The following RUNX1 variants were observed in gnomAD, a reference collection of about 807,000 sequenced individuals.
RUNX1 encodes RUNX family transcription factor 1.
In RUNX1, 19 loss-of-function variants were observed where a neutral mutation model predicts 42.8. The observed-to-expected ratio is 0.44, with a 90% CI of 0.31 to 0.65. The LOEUF is 0.65. Among genes scored for constraint, RUNX1 ranks in the 30% least tolerant of loss-of-function variants. The pLI is 0.07. For missense variants in RUNX1, 528 were observed against 672.0 expected (o/e 0.79, Z 2.37); for synonymous variants, 271 against 289.4 (o/e 0.94, Z 0.64).
intron 2 of RUNX1, among the ~76,000 whole-genome samples, chr21:35,009,078 C>CA (rs1366562900): frequency 6.6e-6 from 1 of 152,166 alleles, no homozygotes; most frequent in East Asian, 1.9e-4. Flanking sequence ...AGAACTGCGT[C>CA]AAAAGGAAAT....
At chr21:34,858,210 C>G (rs1260755821) in intron 6 of RUNX1, among the ~76,000 whole-genome samples, 4 of 152,134 alleles carry the variant, frequency 2.6e-5, no homozygotes, top group African/African-American at 9.7e-5. Flanking sequence ...AGGTTGTGGC[C>G]AGGACCACAG....
Position 34,901,283 on chromosome 21 carries a change from G to A in RUNX1, c.59-8320C>T, listed in dbSNP as rs908991796. Among the ~76,000 whole-genome samples, 3 of 152,140 alleles carry A rather than the reference G, an allele frequency of 2.0e-5. No homozygotes were observed. Among genetic ancestry groups the A allele is most frequent in the South Asian group, 2.1e-4 (1 of 4,800 alleles). On this transcript the variant is annotated intron_variant, in intron 2 of 8. Coordinates refer to ENST00000675419, the MANE Select transcript of RUNX1 (RefSeq NM_001754.5). The surrounding 1 kb of genome is among the most constrained non-coding windows in gnomAD (Gnocchi z 4.3). ...TCCCAGCACTTTGGGAGGCAGAGGCGGGTGGATCATGAGGTCAAGAGTTTG... is the reference window on the plus strand; with the variant it reads ...TCCCAGCACTTTGGGAGGCAGAGGCAGGTGGATCATGAGGTCAAGAGTTTG...
intron 7 of RUNX1, among the ~76,000 whole-genome samples, chr21:34,820,137 G>A (rs1211109074): frequency 6.6e-6 from 1 of 152,208 alleles, no homozygotes; most frequent in Non-Finnish European, 1.5e-5. Flanking sequence ...GTGACCTGTC[G>A]GTCTCCTGTA....
chr21:34,870,690 T>C (rs1160653139), intron 5 of RUNX1, among the ~76,000 whole-genome samples: 1 of 152,214 alleles, frequency 6.6e-6, no homozygotes, highest in Non-Finnish European at 1.5e-5. Flanking sequence ...CCCAGCACAG[T>C]GGCTCATGCC....
intron 2 of RUNX1, among the ~76,000 whole-genome samples, chr21:34,997,857 A>T (rs2059008690): frequency 6.6e-6 from 1 of 151,612 alleles, no homozygotes; most frequent in East Asian, 1.9e-4. Flanking sequence ...TCTCCCCAAC[A>T]CCCCCAATCT....
rs562003276 is a variant in RUNX1 at position 34,852,729 on chromosome 21, G to A, written c.613+6745C>T. Among the ~76,000 whole-genome samples the A allele has an allele frequency of 5.3e-5, 8 of 152,176 alleles. No individual in the cohort carries two copies. In the East Asian group the frequency reaches 1.6e-3, roughly 30 times the overall value. ...CCTGCTTTAGGTGGGAGGGGAGGAA[G>A]AATTACTTTCTAATTCCTGTGTGGA... On this transcript the variant is annotated intron_variant, in intron 6 of 8. Coordinates refer to ENST00000675419, the MANE Select transcript of RUNX1 (RefSeq NM_001754.5).
At chr21:34,977,380 G>GA (rs2058810866) in intron 2 of RUNX1, among the ~76,000 whole-genome samples, 1 of 152,148 alleles carries the variant, frequency 6.6e-6, no homozygotes, top group African/African-American at 2.4e-5. Flanking sequence ...TACAAGCTCT[G>GA]GAAAACTACC....
At chr21:34,807,621 G>A (rs193218752) in intron 7 of RUNX1, among the ~76,000 whole-genome samples, 20 of 152,266 alleles carry the variant, frequency 1.3e-4, no homozygotes, top group African/African-American at 4.1e-4. Context: ...GTTCCCTCCA[G>A]ATTCACCTCA....
chr21:34,985,799 TGTG>T (rs1189926159), intron 2 of RUNX1, among the ~76,000 whole-genome samples: 1 of 151,818 alleles, frequency 6.6e-6, no homozygotes, highest in African/African-American at 2.4e-5. Context: ...TCTCCAACGA[TGTG>T]GTATGCGGTG....
At chr21:34,845,233 T>C (rs2057299164) in intron 6 of RUNX1, among the ~76,000 whole-genome samples, 1 of 152,210 alleles carries the variant, frequency 6.6e-6, no homozygotes, top group Non-Finnish European at 1.5e-5. Context: ...TTCTGTTTAT[T>C]CCAAGACACT....
chr21:35,047,549 A>ACTCCCTCTCTCT (rs1262198638), intron 2 of RUNX1, among the ~76,000 whole-genome samples: 2 of 107,686 alleles, frequency 1.9e-5, no homozygotes, highest in Non-Finnish European at 3.8e-5. Context: ...ACACACACAC[A>ACTCCCTCTCTCT]CACACACACA....
chr21:35,000,319 C>A (rs937021405), intron 2 of RUNX1, among the ~76,000 whole-genome samples: 1 of 148,468 alleles, frequency 6.7e-6, no homozygotes, highest in Non-Finnish European at 1.5e-5. Flanking sequence ...CGGCTCACTG[C>A]AAACTCCGCC....
chr21:34,896,545 T>C (rs1021530120), intron 2 of RUNX1, among the ~76,000 whole-genome samples: 4 of 152,084 alleles, frequency 2.6e-5, no homozygotes, highest in African/African-American at 7.2e-5. Flanking sequence ...TAGCCAGACA[T>C]GGTGGTGGGC....
At position 35,047,553 on chromosome 21, in the gene RUNX1, A is replaced by C. The variant is rs997991928; in HGVS notation, c.58+1289T>G. Among the ~76,000 whole-genome samples, 11 of 90,010 alleles carry C rather than the reference A, an allele frequency of 1.2e-4. No individual in the cohort carries two copies. The East Asian group carries it at 1.8e-3, about 15-fold the overall frequency. 59.1% of individuals were successfully genotyped at this position (90,010 alleles called of 152,430 possible). A position where few individuals can be genotyped will look rare whatever the true frequency, so the allele number is the denominator to read the frequency against. Reference sequence around the variant, plus strand: ...CACACACACACACACACACACACACACACACACACTCTCTCTCTCTCTCTC... The same window carrying C: ...CACACACACACACACACACACACACCCACACACACTCTCTCTCTCTCTCTC... On this transcript the variant is annotated intron_variant, in intron 2 of 8. Transcript: ENST00000675419.
intron 2 of RUNX1, among the ~76,000 whole-genome samples, chr21:34,971,529 C>CCAT (rs1447760401): frequency 6.6e-6 from 1 of 152,068 alleles, no homozygotes; most frequent in African/African-American, 2.4e-5. Flanking sequence ...ATCCATCCAT[C>CCAT]CATCCATCCA....
intron 2 of RUNX1, among the ~76,000 whole-genome samples, chr21:34,977,206 T>A (rs910072021): frequency 2.0e-5 from 3 of 152,206 alleles, no homozygotes; most frequent in Non-Finnish European, 2.9e-5. Context: ...AAAGAAAAAT[T>A]TGAAAAATAA....
chr21:34,859,361 TC>T (rs751926480), intron 6 of RUNX1, 112 bp downstream of exon 6: 2 of 890,954 alleles, frequency 2.2e-6, no homozygotes, highest in South Asian at 1.3e-5. Flanking sequence ...GGGCCTGACA[TC>T]CCCCTGGGGG....
chr21:34,864,377 T>G lies in RUNX1; in HGVS notation c.509-4799A>C, dbSNP rs1029123416. Among the ~76,000 whole-genome samples the G allele has an allele frequency of 1.2e-4, 19 of 152,178 alleles. 1 individual carries two copies. The highest frequency in any genetic ancestry group is 1.2e-3 in the Admixed American group (19 of 15,278). ...TCACAGGAGAGCAAGGGAGGGCAGG[T>G]TGGCTAAATAGCAACGGCCCCAAAA... On this transcript the variant is annotated intron_variant, in intron 5 of 8. Coordinates refer to ENST00000675419, the MANE Select transcript of RUNX1 (RefSeq NM_001754.5).
intron 2 of RUNX1, among the ~76,000 whole-genome samples, chr21:35,028,383 C>T (rs2146965038): frequency 6.6e-6 from 1 of 152,306 alleles, no homozygotes; most frequent in Non-Finnish European, 1.5e-5. Context: ...AAAGACCTGG[C>T]TTCAATTTTG....
Sources: allele counts gnomAD v4.1 joint callset (sites outside exome capture counted in the v4.1 genomes callset), GRCh38; gene constraint gnomAD v4.1.1; non-coding constraint Gnocchi (gnomAD v3.1); transcripts MANE v1.5; gene names NCBI Gene and HGNC (gene_info 2026-07-23, HGNC 2026-07-21).